The following GALNT17 variants were observed in gnomAD, a reference collection of about 807,000 sequenced individuals.
GALNT17 encodes the protein UDP-GalNAc:polypeptide N-acetylgalactosaminyltransferase-like 3.
Under a neutral mutation model 63.7 loss-of-function variants are expected in GALNT17, and 29 were observed. The ratio of observed to expected loss-of-function variants is 0.46; its 90% CI spans 0.34 to 0.62. The LOEUF (loss-of-function observed/expected upper bound fraction) is 0.62, where lower values mean the gene tolerates loss of function less well. GALNT17 is among the 20% of genes least tolerant of loss of function. The pLI is 0.01. For missense variants in GALNT17, 603 were observed against 799.6 expected (o/e 0.75, Z 2.97); for synonymous variants, 305 against 318.3 (o/e 0.96, Z 0.45).
At chr7:71,312,319 C>G (rs1198341870) in intron 1 of GALNT17, among the ~76,000 whole-genome samples, 1 of 152,174 alleles carries the variant, frequency 6.6e-6, no homozygotes, top group South Asian at 2.1e-4. Flanking sequence ...CCTCCCAGGC[C>G]AAGTCCCAAC....
intron 6 of GALNT17, among the ~76,000 whole-genome samples, chr7:71,598,648 G>A (rs1789922471): frequency 6.6e-6 from 1 of 152,146 alleles, no homozygotes; most frequent in Non-Finnish European, 1.5e-5. Flanking sequence ...TTCTAACATG[G>A]ACTTGAGATG....
chr7:71,185,712 T>G (rs1788838253), intron 1 of GALNT17, among the ~76,000 whole-genome samples: 2 of 152,048 alleles, frequency 1.3e-5, no homozygotes, highest in African/African-American at 4.8e-5. Flanking sequence ...TTTCACCGTG[T>G]TAGCCAGGAT....
At chr7:71,569,656 T>C (rs1259081299) in intron 5 of GALNT17, among the ~76,000 whole-genome samples, 1 of 152,176 alleles carries the variant, frequency 6.6e-6, no homozygotes, top group Non-Finnish European at 1.5e-5. Flanking sequence ...GGAACAACTT[T>C]TCCACACTAG....
chr7:71,619,810 G>A (rs1183105882), intron 6 of GALNT17, among the ~76,000 whole-genome samples: 4 of 152,110 alleles, frequency 2.6e-5, no homozygotes, highest in Non-Finnish European at 5.9e-5. Flanking sequence ...GCTCCAGCTA[G>A]GACTTCCAGT....
At chr7:71,145,241 T>C (rs1585836374) in intron 1 of GALNT17, among the ~76,000 whole-genome samples, 1 of 152,134 alleles carries the variant, frequency 6.6e-6, no homozygotes, top group Admixed American at 6.6e-5. Flanking sequence ...GAACGCTTCA[T>C]GTTTACCTTG....
At chr7:71,233,794 G>A (rs1789837374) in intron 1 of GALNT17, among the ~76,000 whole-genome samples, 1 of 152,208 alleles carries the variant, frequency 6.6e-6, no homozygotes. Context: ...GAACTACCTG[G>A]GACTGGGTAA....
At chr7:71,381,057 C>T (rs1348043633) in intron 2 of GALNT17, among the ~76,000 whole-genome samples, 1 of 151,934 alleles carries the variant, frequency 6.6e-6, no homozygotes, top group Non-Finnish European at 1.5e-5. Flanking sequence ...GCCTCCCAGG[C>T]TCAAGGTATC....
At chr7:71,518,225 G>C (rs1341900080) in intron 5 of GALNT17, among the ~76,000 whole-genome samples, 1 of 152,204 alleles carries the variant, frequency 6.6e-6, no homozygotes, top group South Asian at 2.1e-4. Context: ...GAAATACCGT[G>C]TGAGAATGCT....
chr7:71,298,856 T>C (rs1791134941), intron 1 of GALNT17, among the ~76,000 whole-genome samples: 6 of 152,230 alleles, frequency 3.9e-5, no homozygotes, highest in Admixed American at 3.9e-4. Context: ...AACCCTAAGA[T>C]ATAAAATATG....
At chr7:71,275,635 A>G (rs1790669592) in intron 1 of GALNT17, among the ~76,000 whole-genome samples, 1 of 152,132 alleles carries the variant, frequency 6.6e-6, no homozygotes. Flanking sequence ...TCCATGGGGG[A>G]CACAAATAGC....
At chr7:71,274,934 C>G (rs933253732) in intron 1 of GALNT17, among the ~76,000 whole-genome samples, 5 of 152,184 alleles carry the variant, frequency 3.3e-5, no homozygotes, top group African/African-American at 1.2e-4. Flanking sequence ...GGCTGGGGAC[C>G]ATGCTTGGCC....
At chr7:71,665,698 A>C in intron 7 of GALNT17, 102 bp downstream of exon 7, 1 of 1,361,828 alleles carries the variant, frequency 7.3e-7, no homozygotes, top group South Asian at 1.4e-5. Flanking sequence ...GAAAATGCTC[A>C]TGCTTAGAAA....
intron 1 of GALNT17, among the ~76,000 whole-genome samples, chr7:71,174,050 AT>A (rs1585857491): frequency 1.3e-5 from 2 of 152,150 alleles, no homozygotes; most frequent in Non-Finnish European, 2.9e-5. Context: ...GACTCAAGAG[AT>A]TCTTCAGTTC....
intron 1 of GALNT17, among the ~76,000 whole-genome samples, chr7:71,188,511 T>C (rs1378267987): frequency 1.3e-5 from 2 of 152,224 alleles, no homozygotes; most frequent in Non-Finnish European, 2.9e-5. Flanking sequence ...ATATGTCTGT[T>C]GGCCATTTGT....
chr7:71,427,806 C>T (rs778300181), intron 5 of GALNT17, among the ~76,000 whole-genome samples: 9 of 151,840 alleles, frequency 5.9e-5, no homozygotes, highest in Non-Finnish European at 1.3e-4. Flanking sequence ...CTCCTGAGCT[C>T]GGCTTCTCAT....
intron 5 of GALNT17, among the ~76,000 whole-genome samples, chr7:71,495,058 G>A (rs1407295929): frequency 6.6e-6 from 1 of 152,160 alleles, no homozygotes; most frequent in South Asian, 2.1e-4. Flanking sequence ...ATCACCTGAG[G>A]TCAGGAATTT....
At chr7:71,308,744 G>GTT (rs760443992) in intron 1 of GALNT17, among the ~76,000 whole-genome samples, 36 of 138,736 alleles carry the variant, frequency 2.6e-4, no homozygotes, top group African/African-American at 4.5e-4. Context: ...TTTCTCTTTA[G>GTT]TTTTTTTTTT....
At chr7:71,389,356 ACTCCTGACCTCAGGAGATCTGCC>A (rs941618196) in intron 3 of GALNT17, among the ~76,000 whole-genome samples, 1 of 151,698 alleles carries the variant, frequency 6.6e-6, no homozygotes, top group African/African-American at 2.4e-5. Flanking sequence ...CTGATCTCGA[ACTCCTGACCTCAGGAGATCTGCC>A]CTCCTCAACC....
At chr7:71,441,394 A>T (rs1362374059) in intron 5 of GALNT17, among the ~76,000 whole-genome samples, 1 of 152,092 alleles carries the variant, frequency 6.6e-6, no homozygotes. Context: ...ACAAATGACC[A>T]TTTGTGGTTA....
Sources: allele counts gnomAD v4.1 joint callset (sites outside exome capture counted in the v4.1 genomes callset), GRCh38; gene constraint gnomAD v4.1.1; transcripts MANE v1.5; gene names NCBI Gene and HGNC (gene_info 2026-07-23, HGNC 2026-07-21).